Variants in CACNA1B observed in about 807,000 individuals in gnomAD.
The protein encoded by CACNA1B is calcium voltage-gated channel subunit alpha1 B.
CACNA1B carries 70 observed loss-of-function variants against 247.2 expected under a neutral mutation model. The ratio of observed to expected loss-of-function variants is 0.28; its 90% CI spans 0.23 to 0.35. The LOEUF (loss-of-function observed/expected upper bound fraction) is 0.35, where lower values mean the gene tolerates loss of function less well. Ranked by LOEUF, CACNA1B falls within the 10% of genes least tolerant of loss-of-function variation. The pLI is 1.00. For synonymous variants in CACNA1B, 1,231 were observed against 1,294.4 expected (o/e 0.95, Z 1.05); for missense variants, 2,367 against 3,197.4 (o/e 0.74, Z 6.26).
chr9:138,116,609 T>G (rs890320210), intron 42 of CACNA1B, among the ~76,000 whole-genome samples: 2 of 152,218 alleles, frequency 1.3e-5, no homozygotes, highest in African/African-American at 4.8e-5. Flanking sequence ...GAAATTGAGC[T>G]TCTGTTATTT....
rs1961789541 is a variant in CACNA1B, at chr9:138,114,599, T to C, written c.5649+109T>C. 4.8e-6 allele frequency: 3 copies of C among 626,020 alleles called. 1 individual carries two copies. Among genetic ancestry groups the C allele is most frequent in the Non-Finnish European group, 8.5e-6 (3 of 354,452 alleles). 38.8% of individuals were successfully genotyped at this position (626,020 alleles called of 1,614,324 possible). A position where few individuals can be genotyped will look rare whatever the true frequency, so the allele number is the denominator to read the frequency against. On this transcript the variant is annotated intron_variant, in intron 41 of 46. Coordinates refer to ENST00000371372, the MANE Select transcript of CACNA1B (RefSeq NM_000718.4). ...ATGCACACCATTCTTGGAAAAAGTA[T>C]CTCAGAAGGAAGATGAAAGATTCTT...
chr9:137,934,394 A>T (rs1400670214), intron 6 of CACNA1B, among the ~76,000 whole-genome samples: 1 of 152,170 alleles, frequency 6.6e-6, no homozygotes, highest in Non-Finnish European at 1.5e-5. Context: ...CAAGTACCTG[A>T]TTTCTCATTT....
In CACNA1B at chr9:138,023,119, C is replaced by A. The variant is rs764530866; in HGVS notation, c.2376C>A (p.Asp792Glu). Residue 792 changes from aspartate (D) to glutamate (E), a missense_variant, in exon 19 of 47, where the codon GAC becomes GAA. Coordinates refer to ENST00000371372, the MANE Select transcript of CACNA1B (RefSeq NM_000718.4). The stretch of plus-strand genomic sequence containing the variant: ...GCGAGGCGCTGTACAGCGAGATGGA[C>A]CCCGAGGAGCGGCTGCGCTTCGCCA... The part of the protein sequence containing the change: ...ASCEALYSEM[D>E]PEERLRFATT... 91 of 1,536,532 alleles carry A rather than the reference C, an allele frequency of 5.9e-5. No homozygotes were observed. Among genetic ancestry groups the A allele is most frequent in the Non-Finnish European group, 1.0e-5 (12 of 1,149,016 alleles).
Position 137,917,955 on chromosome 9 carries a change from G to A in CACNA1B, c.966+524G>A, listed in dbSNP as rs1383416569. Among the ~76,000 whole-genome samples the A allele has an allele frequency of 2.6e-5, 4 of 152,238 alleles. No individual in the cohort carries two copies. The highest frequency in any genetic ancestry group is 5.9e-5 in the Non-Finnish European group (4 of 68,040). ...GTTGGAGTTGAGGGACAGTAGGGCT[G>A]CTGGGCCTCCCGTCCCCAGGCTGCC... is the stretch of plus-strand genomic sequence containing the variant. On this transcript the variant is annotated intron_variant, in intron 6 of 46. Transcript: ENST00000371372. This position sits in a 1 kb window ranked among gnomAD's most constrained non-coding sequence, Gnocchi z 5.5.
Position 138,122,059 on chromosome 9 carries a change from T to C in CACNA1B, c.*60T>C. 6.9e-7 allele frequency: 1 copy of C among 1,453,332 alleles called. No homozygotes were observed. Among genetic ancestry groups the C allele is most frequent in the Non-Finnish European group, 9.2e-7 (1 of 1,081,282 alleles). The allele number at this position is 1,453,332 out of a possible 1,614,324, so 90.0% of individuals were successfully genotyped here. A position where few individuals can be genotyped will look rare whatever the true frequency, so the allele number is the denominator to read the frequency against. On this transcript the variant is annotated 3_prime_UTR_variant, in exon 47 of 47. Coordinates refer to ENST00000371372, the MANE Select transcript of CACNA1B (RefSeq NM_000718.4). ...AGGCGTGTGTTCCAGTGGATGAGTT[T>C]TATCATCCACACGGGGCAGCCGGCC...
At chr9:137,901,739 G>C (rs1172380217) in intron 3 of CACNA1B, among the ~76,000 whole-genome samples, 1 of 142,744 alleles carries the variant, frequency 7.0e-6, no homozygotes, top group Admixed American at 7.3e-5. Context: ...GCCCAGGCTA[G>C]AGTGCAGTGG....
At position 138,000,200 on chromosome 9, in the gene CACNA1B, G is replaced by T. The variant is rs146312212; in HGVS notation, c.1975-6567G>T. On this transcript the variant is annotated intron_variant, in intron 15 of 46. Transcript: ENST00000371372. ...TGCAAGCTCCGCCTCCCGGGTTCAC[G>T]CCATTCTCCTGCCTCAGCCTCCCGA... Among the ~76,000 whole-genome samples, 1,001 of 151,386 alleles carry T rather than the reference G, an allele frequency of 6.6e-3. 7 individuals carry two copies. The highest frequency in any genetic ancestry group is 9.8e-3 in the Non-Finnish European group (668 of 67,876).
intron 31 of CACNA1B, among the ~76,000 whole-genome samples, chr9:138,062,128 G>T (rs938145115): frequency 6.6e-6 from 1 of 152,196 alleles, no homozygotes; most frequent in African/African-American, 2.4e-5. Flanking sequence ...CCTAGACCTT[G>T]TTCCCTCCAG....
intron 37 of CACNA1B, among the ~76,000 whole-genome samples, chr9:138,097,034 A>G (rs1399326213): frequency 6.6e-6 from 1 of 150,428 alleles, no homozygotes; most frequent in Non-Finnish European, 1.5e-5. Flanking sequence ...TCCTTGTGAG[A>G]CTCGATGTAG....
At position 137,974,365 on chromosome 9, in the gene CACNA1B, G is replaced by C. The variant is rs1327752617; in HGVS notation, c.1544-1542G>C. ...CTGCTTGGCCTTGTTATCATCCCAT[G>C]CTTAGCTTGAGTGCCTGGTGATTTT... On this transcript the variant is annotated intron_variant, in intron 11 of 46. Transcript: ENST00000371372. This position sits in a 1 kb window ranked among gnomAD's most constrained non-coding sequence, Gnocchi z 4.5. Among the ~76,000 whole-genome samples, 2 of 152,156 alleles carry C rather than the reference G, an allele frequency of 1.3e-5. No homozygotes were observed. The highest frequency in any genetic ancestry group is 2.9e-5 in the Non-Finnish European group (2 of 68,014).
intron 15 of CACNA1B, 89 bp from the exon 16 acceptor site, chr9:138,006,678 C>T (rs190785156): frequency 3.7e-5 from 27 of 729,096 alleles, no homozygotes; most frequent in East Asian, 5.3e-5. Context: ...GTGGACGTGG[C>T]GGTGCACATG....
rs183213253 is a variant in CACNA1B, at chr9:138,032,250, T to C, written c.3286+7078T>C. On this transcript the variant is annotated intron_variant, in intron 20 of 46. Coordinates refer to ENST00000371372, the MANE Select transcript of CACNA1B (RefSeq NM_000718.4). ...AACTTACTCCAGTTTCTTCATGTAGTCATTTTACCAGTTCATGTGAAATAT... is the reference window on the plus strand; with the variant it reads ...AACTTACTCCAGTTTCTTCATGTAGCCATTTTACCAGTTCATGTGAAATAT... 2.0e-4 allele frequency among the ~76,000 whole-genome samples: 30 copies of C among 152,260 alleles called. No individual in the cohort carries two copies. In the East Asian group the frequency reaches 4.4e-3, roughly 23 times the overall value.
At position 137,990,754 on chromosome 9, in the gene CACNA1B, C is replaced by T. The variant is rs1022305651; in HGVS notation, c.1974+3900C>T. Reference sequence around the variant, plus strand: ...GTGCTGGTATCCGCACCTGAAAGACCTGAAGATGGATCACATCACAGGACT... The same window carrying T: ...GTGCTGGTATCCGCACCTGAAAGACTTGAAGATGGATCACATCACAGGACT... On this transcript the variant is annotated intron_variant, in intron 15 of 46. Transcript: ENST00000371372. This position sits in a 1 kb window ranked among gnomAD's most constrained non-coding sequence, Gnocchi z 4.5. 3.9e-5 allele frequency among the ~76,000 whole-genome samples: 6 copies of T among 152,206 alleles called. No homozygotes were observed. The highest frequency in any genetic ancestry group is 7.3e-5 in the Non-Finnish European group (5 of 68,040).
intron 3 of CACNA1B, among the ~76,000 whole-genome samples, chr9:137,886,251 T>C (rs1175520663): frequency 2.0e-5 from 3 of 151,320 alleles, no homozygotes; most frequent in Non-Finnish European, 4.4e-5. Flanking sequence ...GGGGTCCGGT[T>C]GTGTCTGACA....
intron 3 of CACNA1B, among the ~76,000 whole-genome samples, chr9:137,910,063 G>A (rs983022248): frequency 3.3e-5 from 5 of 152,098 alleles, no homozygotes; most frequent in African/African-American, 4.8e-5. Context: ...GAGCCACCGC[G>A]CCTGGCCAAT....
chr9:137,985,695 C>G (rs1958350813), intron 13 of CACNA1B, among the ~76,000 whole-genome samples: 1 of 152,178 alleles, frequency 6.6e-6, no homozygotes, highest in African/African-American at 2.4e-5. Flanking sequence ...CCCTCCATTC[C>G]AGGGAGATGG....
At chr9:138,008,794 A>T (rs541394597) in intron 16 of CACNA1B, among the ~76,000 whole-genome samples, 3 of 152,320 alleles carry the variant, frequency 2.0e-5, no homozygotes, top group Non-Finnish European at 4.4e-5. Flanking sequence ...TGCATTTGGC[A>T]GCTTCTGAGT....
intron 3 of CACNA1B, among the ~76,000 whole-genome samples, chr9:137,884,062 G>A (rs543719171): frequency 1.3e-5 from 2 of 151,852 alleles, no homozygotes; most frequent in Admixed American, 6.6e-5. Context: ...AGGGAGCCTC[G>A]CATTGCCTGC....
At chr9:138,093,251 C>G (rs915188242) in intron 36 of CACNA1B, among the ~76,000 whole-genome samples, 1 of 151,748 alleles carries the variant, frequency 6.6e-6, no homozygotes, top group Non-Finnish European at 1.5e-5. Context: ...AAAACCCTGT[C>G]TCTACTAAAA....
Sources: allele counts gnomAD v4.1 joint callset (sites outside exome capture counted in the v4.1 genomes callset), GRCh38; gene constraint gnomAD v4.1.1; non-coding constraint Gnocchi (gnomAD v3.1); transcripts MANE v1.5; gene names NCBI Gene and HGNC (gene_info 2026-07-23, HGNC 2026-07-21).